The following RETREG1 variants were observed in gnomAD, a reference collection of about 807,000 sequenced individuals.
RETREG1 encodes the protein reticulophagy regulator 1, also known as family with sequence similarity 134 member B.
RETREG1 carries 44 observed loss-of-function variants against 54.8 expected under a neutral mutation model. That is an observed-to-expected ratio of 0.80 (90% confidence interval 0.63 to 1.03). RETREG1 has a LOEUF of 1.03. RETREG1 is among the 50% of genes least tolerant of loss of function. The pLI is 0.00. For missense variants in RETREG1, 554 were observed against 605.1 expected (o/e 0.92, Z 0.89); for synonymous variants, 217 against 238.5 (o/e 0.91, Z 0.83).
At chr5:16,611,397 T>TA (rs558919823) in intron 1 of RETREG1, among the ~76,000 whole-genome samples, 294 of 146,718 alleles carry the variant, frequency 2.0e-3, no homozygotes, top group African/African-American at 6.6e-3. Flanking sequence ...AGAACTTGAA[T>TA]AAAAAAAAAA....
At chr5:16,576,469 C>T (rs1742321655) in intron 1 of RETREG1, among the ~76,000 whole-genome samples, 2 of 151,112 alleles carry the variant, frequency 1.3e-5, no homozygotes, top group South Asian at 2.1e-4. Context: ...GTTTTTGTAT[C>T]TTTATTTTTT....
intron 1 of RETREG1, among the ~76,000 whole-genome samples, chr5:16,610,707 TATC>T (rs780665017): frequency 3.1e-4 from 47 of 152,316 alleles, no homozygotes; most frequent in Non-Finnish European, 5.9e-4. Context: ...CACAATGAGA[TATC>T]ATCTCACACC....
intron 3 of RETREG1, among the ~76,000 whole-genome samples, chr5:16,560,351 A>G (rs1256830916): frequency 6.6e-6 from 1 of 152,218 alleles, no homozygotes; most frequent in African/African-American, 2.4e-5. Context: ...GATTGTAGGG[A>G]AGGAAAGGAG....
intron 1 of RETREG1, among the ~76,000 whole-genome samples, chr5:16,576,393 A>G (rs1192713408): frequency 6.6e-6 from 1 of 151,582 alleles, no homozygotes; most frequent in African/African-American, 2.4e-5. Context: ...CCTGGGTTCA[A>G]GCAATTCTCC....
At chr5:16,529,802 C>G (rs151309634) in intron 3 of RETREG1, among the ~76,000 whole-genome samples, 249 of 152,246 alleles carry the variant, frequency 1.6e-3, no homozygotes, top group African/African-American at 5.8e-3. Context: ...AAATTTCACC[C>G]TAGGTGCCCT....
intron 3 of RETREG1, among the ~76,000 whole-genome samples, chr5:16,486,724 C>T (rs1171830861): frequency 1.3e-5 from 2 of 152,164 alleles, no homozygotes; most frequent in Non-Finnish European, 2.9e-5. Flanking sequence ...TGAGAAGGAG[C>T]ATTTCATGTT....
intron 3 of RETREG1, among the ~76,000 whole-genome samples, chr5:16,549,717 T>A (rs1318376560): frequency 1.3e-5 from 2 of 152,196 alleles, no homozygotes; most frequent in East Asian, 3.8e-4. Context: ...TAAACAGCAG[T>A]TCTGACTTGA....
At chr5:16,603,091 G>A (rs575863354) in intron 1 of RETREG1, among the ~76,000 whole-genome samples, 1 of 152,086 alleles carries the variant, frequency 6.6e-6, no homozygotes, top group African/African-American at 2.4e-5. Context: ...AACAACAGTC[G>A]CTCCTAGAAA....
At position 16,594,212 on chromosome 5, in the gene RETREG1, G is replaced by A. The variant is rs897435630; in HGVS notation, c.321-22110C>T. On this transcript the variant is annotated intron_variant, in intron 1 of 8. Transcript: ENST00000306320. This position sits in a 1 kb window ranked among gnomAD's most constrained non-coding sequence, Gnocchi z 4.4. Reference sequence around the variant, plus strand: ...TCATACAGTGCATCGATGTACAAGGGTGCTGAACCTTTTGGCTGTATTCAG... The same window carrying A: ...TCATACAGTGCATCGATGTACAAGGATGCTGAACCTTTTGGCTGTATTCAG... Among the ~76,000 whole-genome samples the A allele has an allele frequency of 3.9e-5, 6 of 152,172 alleles. No individual in the cohort carries two copies. Among genetic ancestry groups the A allele is most frequent in the Admixed American group, 2.0e-4 (3 of 15,282 alleles).
intron 1 of RETREG1, among the ~76,000 whole-genome samples, chr5:16,573,919 G>A (rs992844224): frequency 1.1e-4 from 16 of 151,956 alleles, no homozygotes; most frequent in Non-Finnish European, 2.1e-4. Flanking sequence ...TAATTTATTT[G>A]TATTTTTAGT....
chr5:16,550,568 G>A (rs562901357), intron 3 of RETREG1, among the ~76,000 whole-genome samples: 1 of 152,312 alleles, frequency 6.6e-6, no homozygotes, highest in East Asian at 1.9e-4. Context: ...GCTGCATGCA[G>A]AAAACACTGC....
chr5:16,490,529 CA>C (rs1739203284), intron 3 of RETREG1, among the ~76,000 whole-genome samples: 1 of 152,130 alleles, frequency 6.6e-6, no homozygotes. Flanking sequence ...TAACACTCAC[CA>C]GGGGTCAGGT....
At chr5:16,520,613 C>A (rs1415133748) in intron 3 of RETREG1, among the ~76,000 whole-genome samples, 1 of 152,168 alleles carries the variant, frequency 6.6e-6, no homozygotes, top group East Asian at 1.9e-4. Flanking sequence ...CAGGCGTTAG[C>A]CACCGCGCCC....
chr5:16,565,900 C>T (rs1337206092), intron 2 of RETREG1, 107 bp from the exon 3 acceptor site: 1 of 1,196,102 alleles, frequency 8.4e-7, no homozygotes. Flanking sequence ...ATGCTCAGAT[C>T]TCTAACACTC....
At chr5:16,497,179 G>C (rs1394217698) in intron 3 of RETREG1, among the ~76,000 whole-genome samples, 1 of 152,140 alleles carries the variant, frequency 6.6e-6, no homozygotes, top group Admixed American at 6.5e-5. Context: ...ACAACACTCT[G>C]ACGAGGTGGG....
chr5:16,573,619 T>C (rs1742242853), intron 1 of RETREG1, among the ~76,000 whole-genome samples: 1 of 151,540 alleles, frequency 6.6e-6, no homozygotes, highest in African/African-American at 2.4e-5. Flanking sequence ...AGGCAAGGCT[T>C]AGGTGTTGTC....
chr5:16,516,447 A>G (rs62369685), intron 3 of RETREG1, among the ~76,000 whole-genome samples: 15,578 of 152,270 alleles, frequency 0.1, 899 homozygotes, highest in African/African-American at 0.11. Flanking sequence ...CCGAATCTCC[A>G]GAAGAACTTG....
intron 4 of RETREG1, 45 bp from the exon 5 acceptor site, chr5:16,481,138 A>C (rs756309093): frequency 2.9e-5 from 40 of 1,372,544 alleles, no homozygotes; most frequent in Non-Finnish European, 3.1e-6. Context: ...CATAACACCA[A>C]GATATTTCGG....
intron 2 of RETREG1, among the ~76,000 whole-genome samples, chr5:16,568,880 A>G (rs1412120851): frequency 6.6e-6 from 1 of 152,202 alleles, no homozygotes; most frequent in Non-Finnish European, 1.5e-5. Flanking sequence ...CTCAACAATA[A>G]AAGTTTCATA....
Sources: gnomAD v4.1 joint callset for allele counts (sites outside exome capture counted in the v4.1 genomes callset) on GRCh38, gnomAD v4.1.1 for gene constraint, Gnocchi (gnomAD v3.1) non-coding constraint, MANE v1.5 for transcripts, NCBI Gene and HGNC (gene_info 2026-07-23, HGNC 2026-07-21) for gene names.